MTNR1B: variants seen among roughly 807,000 people sequenced by gnomAD.
MTNR1B encodes melatonin receptor type 1B.
A neutral mutation model predicts 7.0 loss-of-function variants in MTNR1B; 7 were observed. The ratio of observed to expected loss-of-function variants is 1.00; its 90% confidence interval spans 0.57 to 1.88. MTNR1B has a LOEUF of 1.88. Ranked by LOEUF, MTNR1B falls within the 40% of genes most tolerant of loss-of-function variation. MTNR1B has a pLI of 0.00. For missense variants in MTNR1B, 478 were observed against 486.5 expected (o/e 0.98, Z 0.16); for synonymous variants, 226 against 208.2 (o/e 1.09, Z -0.74).
chr11:92,969,972 G>C (rs1449190717), intron 1 of MTNR1B, 24 bp downstream of exon 1: 3 of 1,586,294 alleles, frequency 1.9e-6, no homozygotes, highest in Non-Finnish European at 2.6e-6. Context: ...CTGATGCTGG[G>C]TGCTGGCATC....
At chr11:92,977,208 A>G (rs374137870) in intron 1 of MTNR1B, among the ~76,000 whole-genome samples, 5 of 152,206 alleles carry the variant, frequency 3.3e-5, no homozygotes, top group African/African-American at 1.2e-4. Flanking sequence ...TTCTAATTAA[A>G]TCAAAGTTAG....
rs755682482 is a variant in MTNR1B, at chr11:92,982,576, G to T, written c.*264G>T. On this transcript the variant is annotated 3_prime_UTR_variant, in exon 2 of 2. Coordinates refer to ENST00000257068, the MANE Select transcript of MTNR1B (RefSeq NM_005959.5). ...TTTGGTGCACACAAGACCAAGGAAA[G>T]GACAGAATGAGGAAAGGCCTGGGGC... is the stretch of plus-strand genomic sequence containing the variant. 1 of 485,084 alleles carries T rather than the reference G, an allele frequency of 2.1e-6. No individual in the cohort carries two copies. Among genetic ancestry groups the T allele is most frequent in the South Asian group, 3.0e-5 (1 of 32,840 alleles). The allele number at this position is 485,084 out of a possible 1,614,324, so 30.0% of individuals were successfully genotyped here.
At chr11:92,972,771 A>T (rs145421721) in intron 1 of MTNR1B, among the ~76,000 whole-genome samples, 1 of 152,158 alleles carries the variant, frequency 6.6e-6, no homozygotes. Context: ...CTGACCCTTG[A>T]GCTACACCTC....
intron 1 of MTNR1B, among the ~76,000 whole-genome samples, chr11:92,977,179 T>G (rs1405126423): frequency 2.6e-5 from 4 of 152,246 alleles, no homozygotes; most frequent in Non-Finnish European, 4.4e-5. Context: ...TGTACACTAT[T>G]GATTAGCCAG....
rs747181668 is a variant in MTNR1B, at chr11:92,981,551, G to T, written c.328G>T (p.Glu110Ter). 3 of 1,614,166 alleles carry T rather than the reference G, an allele frequency of 1.9e-6. No individual in the cohort carries two copies. Among genetic ancestry groups the T allele is most frequent in the South Asian group, 1.1e-5 (1 of 91,080 alleles). ...AIFYDGWALGEEHCKASAFVM... is the reference protein window; with the variant it reads ...AIFYDGWALG ...CTTCTATGACGGCTGGGCCCTGGGGGAGGAGCACTGCAAGGCCAGCGCCTT... is the reference window on the plus strand; with the variant it reads ...CTTCTATGACGGCTGGGCCCTGGGGTAGGAGCACTGCAAGGCCAGCGCCTT... The change falls in exon 2 of 2, where the codon GAG becomes TAG. Residue 110 changes from glutamate (E) to a stop codon, truncating the protein, a stop_gained. Transcript: ENST00000257068. LOFTEE classifies it low-confidence loss of function (END_TRUNC).
At chr11:92,978,034 T>C (rs1858038394) in intron 1 of MTNR1B, among the ~76,000 whole-genome samples, 1 of 152,234 alleles carries the variant, frequency 6.6e-6, no homozygotes, top group Non-Finnish European at 1.5e-5. Context: ...TCAGCAATAT[T>C]TGTCACATAA....
chr11:92,974,282 T>C (rs533329554), intron 1 of MTNR1B, among the ~76,000 whole-genome samples: 1 of 152,322 alleles, frequency 6.6e-6, no homozygotes, highest in South Asian at 2.1e-4. Flanking sequence ...TCATGAGATC[T>C]GATGGAAAAA....
chr11:92,973,733 T>C (rs74502734), intron 1 of MTNR1B, among the ~76,000 whole-genome samples: 2,797 of 152,330 alleles, frequency 0.018, 45 homozygotes, highest in African/African-American at 0.046. Flanking sequence ...ACTGTACTAT[T>C]GTTCTTTGTC....
chr11:92,972,743 G>A (rs1857952149), intron 1 of MTNR1B, among the ~76,000 whole-genome samples: 1 of 152,024 alleles, frequency 6.6e-6, no homozygotes, highest in East Asian at 1.9e-4. Context: ...TTTCCCTCCT[G>A]GGCTCACCAC....
At position 92,982,329 on chromosome 11, in the gene MTNR1B, A is replaced by G; in HGVS notation, c.*17A>G. 1 of 1,597,630 alleles carries G rather than the reference A, an allele frequency of 6.3e-7. No homozygotes were observed. Among genetic ancestry groups the G allele is most frequent in the Non-Finnish European group, 8.5e-7 (1 of 1,173,776 alleles). On this transcript the variant is annotated 3_prime_UTR_variant, in exon 2 of 2. Transcript: ENST00000257068. ...GCTCTCTAGCCTGGATCTGAGGCACACCAGCAGCATGACAAACTCATGAAA... is the reference window on the plus strand; with the variant it reads ...GCTCTCTAGCCTGGATCTGAGGCACGCCAGCAGCATGACAAACTCATGAAA...
At chr11:92,971,772 G>C (rs1249274456) in intron 1 of MTNR1B, among the ~76,000 whole-genome samples, 1 of 152,148 alleles carries the variant, frequency 6.6e-6, no homozygotes, top group African/African-American at 2.4e-5. Context: ...ATCCTACAGA[G>C]GGCTGGCCTT....
chr11:92,974,881 C>T (rs1379327190), intron 1 of MTNR1B, among the ~76,000 whole-genome samples: 2 of 152,040 alleles, frequency 1.3e-5, no homozygotes, highest in Non-Finnish European at 2.9e-5. Flanking sequence ...GGATTACAGG[C>T]GTGAGCCACC....
chr11:92,972,382 A>G, intron 1 of MTNR1B: 1 of 456,168 alleles, frequency 2.2e-6, no homozygotes, highest in Non-Finnish European at 4.4e-6. Context: ...TCCTCTATGG[A>G]GCAGATCTGT....
chr11:92,971,731 T>C (rs1210642203), intron 1 of MTNR1B, among the ~76,000 whole-genome samples: 1 of 152,116 alleles, frequency 6.6e-6, no homozygotes, highest in East Asian at 1.9e-4. Flanking sequence ...TTCCTTTTGC[T>C]GGAAGGAGAA....
rs774891412 is a variant in MTNR1B, at chr11:92,981,756, T to G, written c.533T>G (p.Val178Gly). ...TVVALLPNFFVGSLEYDPRIY... is the reference protein window; with the variant it reads ...TVVALLPNFFGGSLEYDPRIY... ...GTGGCCTTGCTGCCCAACTTCTTTG[T>G]GGGGTCCCTGGAGTACGACCCACGC... Residue 178 changes from valine to glycine, a missense_variant, in exon 2 of 2, where the codon GTG becomes GGG. By Grantham distance (109) the Val-to-Gly change is moderately radical. Transcript: ENST00000257068. 5 of 1,614,118 alleles carry G rather than the reference T, an allele frequency of 3.1e-6. No individual in the cohort carries two copies. The Admixed American group carries it at 8.3e-5, about 27-fold the overall frequency.
chr11:92,977,121 A>G (rs1374054718), intron 1 of MTNR1B, among the ~76,000 whole-genome samples: 1 of 152,202 alleles, frequency 6.6e-6, no homozygotes, highest in African/African-American at 2.4e-5. Context: ...TATGTTCTTA[A>G]ATATATTTTC....
At chr11:92,971,791 T>C (rs1264778757) in intron 1 of MTNR1B, among the ~76,000 whole-genome samples, 1 of 152,192 alleles carries the variant, frequency 6.6e-6, no homozygotes, top group African/African-American at 2.4e-5. Flanking sequence ...TTTTCTGTGA[T>C]CCTGGCAGGG....
At position 92,982,481 on chromosome 11, in the gene MTNR1B, G is replaced by A; in HGVS notation, c.*169G>A. The A allele has an allele frequency of 1.3e-6, 1 of 778,660 alleles. No individual in the cohort carries two copies. Among genetic ancestry groups the A allele is most frequent in the South Asian group, 1.9e-5 (1 of 53,182 alleles). The allele number at this position is 778,660 out of a possible 1,614,324, so 48.2% of individuals were successfully genotyped here. A position where few individuals can be genotyped will look rare whatever the true frequency, so the allele number is the denominator to read the frequency against. ...GACAAGCAGCCCATCAACGCCATGG[G>A]TTCAGGCTGATCCAGGAGATGCTCA... On this transcript the variant is annotated 3_prime_UTR_variant, in exon 2 of 2. Transcript: ENST00000257068.
intron 1 of MTNR1B, among the ~76,000 whole-genome samples, chr11:92,974,803 C>T (rs531062384): frequency 4.6e-5 from 7 of 152,270 alleles, no homozygotes; most frequent in South Asian, 2.1e-4. Context: ...AGGGTTTCAC[C>T]GTGTTAGCCA....
Sources: gnomAD v4.1 joint callset for allele counts (sites outside exome capture counted in the v4.1 genomes callset) on GRCh38, gnomAD v4.1.1 for gene constraint, MANE v1.5 for transcripts, NCBI Gene and HGNC (gene_info 2026-07-23, HGNC 2026-07-21) for gene names.